Variants in TAB2 observed in about 807,000 individuals in gnomAD.
TAB2 encodes TGF-beta activated kinase 1 (MAP3K7) binding protein 2.
A neutral mutation model predicts 65.0 loss-of-function variants in TAB2; 3 were observed. The ratio of observed to expected loss-of-function variants is 0.05; its 90% confidence interval spans 0.02 to 0.12. TAB2 has a LOEUF of 0.12. Ranked by LOEUF, TAB2 falls within the 10% of genes least tolerant of loss-of-function variation. The pLI is 1.00. For missense variants in TAB2, 623 were observed against 840.3 expected (o/e 0.74, Z 3.20); for synonymous variants, 298 against 285.1 (o/e 1.05, Z -0.46).
In TAB2 at chr6:149,409,741, T is replaced by C. The variant is rs1562459653; in HGVS notation, c.*22T>C. On this transcript the variant is annotated 3_prime_UTR_variant, in exon 7 of 7. Coordinates refer to ENST00000637181, the MANE Select transcript of TAB2 (RefSeq NM_001292034.3). Reference sequence around the variant, plus strand: ...CTGAGCCAAATGGCCCTGTATCTTCTCTAAAACCACATCTAAAGTTCAAGA... The same window carrying C: ...CTGAGCCAAATGGCCCTGTATCTTCCCTAAAACCACATCTAAAGTTCAAGA... 1.2e-6 allele frequency: 2 copies of C among 1,613,794 alleles called. No individual in the cohort carries two copies. Among genetic ancestry groups the C allele is most frequent in the African/African-American group, 2.7e-5 (2 of 74,916 alleles).
intron 6 of TAB2, chr6:149,400,641 A>G (rs758102700): frequency 1.5e-5 from 24 of 1,614,112 alleles, no homozygotes; most frequent in Non-Finnish European, 1.9e-5. Context: ...TGAAGATACA[A>G]TTGATGTGTT....
Position 149,397,585 on chromosome 6 carries a change from T to C in TAB2, c.1604-19T>C. ...GATTAAAGTGGGTGGGTCCTCATGT[T>C]TACTAATGTGTGTTGCAGCTCTTTT... On this transcript the variant is annotated intron_variant, in intron 3 of 6. Coordinates refer to ENST00000637181, the MANE Select transcript of TAB2 (RefSeq NM_001292034.3). 1 of 1,613,922 alleles carries C rather than the reference T, an allele frequency of 6.2e-7. No individual in the cohort carries two copies. The highest frequency in any genetic ancestry group is 8.5e-7 in the Non-Finnish European group (1 of 1,179,886).
chr6:149,308,161 G>C (rs963959326), intron 1 of TAB2, among the ~76,000 whole-genome samples: 1 of 152,116 alleles, frequency 6.6e-6, no homozygotes, highest in Non-Finnish European at 1.5e-5. Flanking sequence ...CTATTATAAG[G>C]AAGGTTGAGG....
At chr6:149,275,073 T>C (rs1371225601) in intron 1 of TAB2, among the ~76,000 whole-genome samples, 2 of 151,346 alleles carry the variant, frequency 1.3e-5, no homozygotes, top group Non-Finnish European at 2.9e-5. Context: ...AGGTGTGGAC[T>C]GATATTGTAA....
chr6:149,312,663 T>G (rs1225369842), intron 1 of TAB2, among the ~76,000 whole-genome samples: 1 of 152,200 alleles, frequency 6.6e-6, no homozygotes, highest in Non-Finnish European at 1.5e-5. Flanking sequence ...GTGCCCTGCC[T>G]CCATGTGTTT....
At chr6:149,309,467 G>A (rs532577) in intron 1 of TAB2, among the ~76,000 whole-genome samples, 68,652 of 149,284 alleles carry the variant, frequency 0.46, 15,658 homozygotes, top group East Asian at 0.57. Context: ...CACAATCTCC[G>A]CTCACCGCAA....
At chr6:149,282,885 C>T (rs1233702624) in intron 1 of TAB2, among the ~76,000 whole-genome samples, 2 of 152,162 alleles carry the variant, frequency 1.3e-5, no homozygotes, top group African/African-American at 4.8e-5. Flanking sequence ...TCTTCCCACC[C>T]ACTTAGGGGC....
chr6:149,334,019 G>A (rs150455884), intron 1 of TAB2, among the ~76,000 whole-genome samples: 364 of 152,278 alleles, frequency 2.4e-3, no homozygotes, highest in Middle Eastern at 0.014. Flanking sequence ...TGCATTATAA[G>A]TCATTTGACC....
Position 149,296,260 on chromosome 6 carries a change from G to C in TAB2, c.-121+77484G>C, listed in dbSNP as rs9485376. On this transcript the variant is annotated intron_variant, in intron 1 of 1. Transcript: ENST00000606202. Reference sequence around the variant, plus strand: ...TTGTCTTGCTTGTGGTTGACCCCCAGGTTGTAGCCCTTTGAAGTCTCAGCT... The same window carrying C: ...TTGTCTTGCTTGTGGTTGACCCCCACGTTGTAGCCCTTTGAAGTCTCAGCT... Among the ~76,000 whole-genome samples the C allele has an allele frequency of 5.9e-3, 896 of 152,318 alleles. 12 individuals carry two copies. Among genetic ancestry groups the C allele is most frequent in the African/African-American group, 0.021 (862 of 41,554 alleles).
chr6:149,385,149 A>G (rs1166973669), intron 3 of TAB2, among the ~76,000 whole-genome samples: 1 of 152,102 alleles, frequency 6.6e-6, no homozygotes, highest in African/African-American at 2.4e-5. Context: ...ATTCCTTACC[A>G]TTTTTCACTA....
rs1340808753 is a variant in TAB2 at position 149,333,741 on chromosome 6, G to GTGTGTGTGTGTGTGTGTGTC, written c.-90+15731_-90+15732insGTGTGTGTGTGTGTCTGTGT. On this transcript the variant is annotated intron_variant, in intron 1 of 6. Transcript: ENST00000637181. ...TGTGTGTGTGTGTGTGTGTGTGTGTGTGTGTCTATGTGTCTGTGTGTACAG... is the reference window on the plus strand; with the variant it reads ...TGTGTGTGTGTGTGTGTGTGTGTGTGTGTGTGTGTGTGTGTGTGTCTGTGTCTATGTGTCTGTGTGTACAG... 5.3e-4 allele frequency among the ~76,000 whole-genome samples: 80 copies of GTGTGTGTGTGTGTGTGTGTC among 151,010 alleles called. 1 individual carries two copies. The East Asian group carries it at 0.015, about 28-fold the overall frequency.
chr6:149,260,502 G>A (rs1310137469), intron 1 of TAB2, among the ~76,000 whole-genome samples: 6 of 152,208 alleles, frequency 3.9e-5, no homozygotes, highest in African/African-American at 1.4e-4. Flanking sequence ...GAGAGCTGTT[G>A]CAGAAGCCCA....
chr6:149,376,582 T>G (rs1781404773), intron 2 of TAB2, among the ~76,000 whole-genome samples: 2 of 152,182 alleles, frequency 1.3e-5, no homozygotes, highest in African/African-American at 4.8e-5. Flanking sequence ...TTCTACATAT[T>G]CTATGAAAAC....
intron 3 of TAB2, among the ~76,000 whole-genome samples, chr6:149,395,735 C>G (rs1363637621): frequency 6.6e-6 from 1 of 151,196 alleles, no homozygotes; most frequent in Non-Finnish European, 1.5e-5. Context: ...TCATCTTATT[C>G]CATTCTTTTG....
chr6:149,236,622 T>C (rs1259878526), intron 1 of TAB2, among the ~76,000 whole-genome samples: 2 of 152,118 alleles, frequency 1.3e-5, no homozygotes, highest in Non-Finnish European at 2.9e-5. Flanking sequence ...ATTTTTTGAG[T>C]AATAGGAATG....
chr6:149,377,990 C>G (rs750781311), intron 2 of TAB2, 28 bp from the exon 3 acceptor site: 1 of 1,569,372 alleles, frequency 6.4e-7, no homozygotes, highest in Non-Finnish European at 8.8e-7. Context: ...TGATTGTTAA[C>G]ATCAATCAAT....
intron 3 of TAB2, among the ~76,000 whole-genome samples, chr6:149,386,454 C>T (rs1342809228): frequency 1.1e-5 from 1 of 88,854 alleles, no homozygotes; most frequent in Non-Finnish European, 2.7e-5. Context: ...TATCCCATTA[C>T]CCCCCACCCT....
At chr6:149,388,623 T>G (rs1269964969) in intron 3 of TAB2, among the ~76,000 whole-genome samples, 1 of 152,210 alleles carries the variant, frequency 6.6e-6, no homozygotes, top group Non-Finnish European at 1.5e-5. Context: ...GGTAAAAATA[T>G]ATTGTTGCTT....
intron 1 of TAB2, among the ~76,000 whole-genome samples, chr6:149,295,473 A>G (rs7755886): frequency 0.075 from 11,260 of 150,370 alleles, 1,300 homozygotes; most frequent in African/African-American, 0.25. Context: ...ACCTTTTCCC[A>G]TGTCTCTGTC....
Sources: allele counts gnomAD v4.1 joint callset (sites outside exome capture counted in the v4.1 genomes callset), GRCh38; gene constraint gnomAD v4.1.1; transcripts MANE v1.5; gene names NCBI Gene and HGNC (gene_info 2026-07-23, HGNC 2026-07-21).